Variants in OPRM1 observed in about 807,000 individuals in gnomAD.
The protein encoded by OPRM1 is mu-type opioid receptor.
Under a neutral mutation model 31.8 loss-of-function variants are expected in OPRM1, and 27 were observed. That is an observed-to-expected ratio of 0.85 (90% CI 0.63 to 1.17). OPRM1 has a LOEUF of 1.17. Ranked by LOEUF, OPRM1 falls within the 50% of genes most tolerant of loss-of-function variation. The pLI, the probability that OPRM1 is intolerant of heterozygous loss-of-function variation, is 0.00. For missense variants in OPRM1, 536 were observed against 511.1 expected, an observed-to-expected ratio of 1.05 and a Z score of -0.47; for synonymous variants, 196 against 189.9, an observed-to-expected ratio of 1.03 and a Z score of -0.26.
chr6:154,144,148 G>A (rs116953118), intron 3 of OPRM1, among the ~76,000 whole-genome samples: 156 of 152,218 alleles, frequency 1.0e-3, no homozygotes, highest in Non-Finnish European at 1.9e-3. Flanking sequence ...TCAATACCCT[G>A]TAAGTATTAA....
chr6:154,201,134 T>C (rs561247697), intron 3 of OPRM1, among the ~76,000 whole-genome samples: 2 of 152,344 alleles, frequency 1.3e-5, no homozygotes, highest in Admixed American at 6.5e-5. Flanking sequence ...TAAAGTTTCC[T>C]GAGGCCTCCC....
intron 3 of OPRM1, among the ~76,000 whole-genome samples, chr6:154,240,600 A>G (rs185704074): frequency 3.1e-4 from 47 of 152,334 alleles, no homozygotes; most frequent in African/African-American, 9.9e-4. Context: ...TTGACTTTCA[A>G]GTAACATTTT....
At chr6:154,115,337 C>T (rs1366253702) in intron 3 of OPRM1, among the ~76,000 whole-genome samples, 1 of 151,978 alleles carries the variant, frequency 6.6e-6, no homozygotes, top group African/African-American at 2.4e-5. Flanking sequence ...CTCAGGAGTT[C>T]GAGACCAGCC....
chr6:154,147,785 G>T (rs931357828), intron 3 of OPRM1, among the ~76,000 whole-genome samples: 1 of 152,156 alleles, frequency 6.6e-6, no homozygotes, highest in Non-Finnish European at 1.5e-5. Context: ...GCAGGAGCAG[G>T]ACCTCTAGAT....
At chr6:154,030,541 AAC>A (rs1297459409) in intron 1 of OPRM1, among the ~76,000 whole-genome samples, 1 of 152,218 alleles carries the variant, frequency 6.6e-6, no homozygotes, top group African/African-American at 2.4e-5. Flanking sequence ...GCTAAAAAAA[AAC>A]AGAGTAATAG....
chr6:154,098,177 A>G (rs988273549), intron 3 of OPRM1, among the ~76,000 whole-genome samples: 5 of 152,248 alleles, frequency 3.3e-5, no homozygotes, highest in Admixed American at 1.3e-4. Context: ...GTGCCCTGAT[A>G]TATTCCAGTC....
intron 3 of OPRM1, among the ~76,000 whole-genome samples, chr6:154,238,017 A>G (rs1166140795): frequency 6.6e-6 from 1 of 152,202 alleles, no homozygotes; most frequent in Non-Finnish European, 1.5e-5. Flanking sequence ...TTTAGATTCT[A>G]TGCATTGGCA....
intron 1 of OPRM1, among the ~76,000 whole-genome samples, chr6:154,045,966 C>T (rs933782774): frequency 4.6e-5 from 7 of 152,204 alleles, no homozygotes; most frequent in African/African-American, 1.7e-4. Context: ...TTTTCCTCTT[C>T]CCTGGTTTAC....
intron 3 of OPRM1, among the ~76,000 whole-genome samples, chr6:154,191,143 AG>A (rs1276044574): frequency 6.6e-6 from 1 of 152,226 alleles, no homozygotes; most frequent in Non-Finnish European, 1.5e-5. Flanking sequence ...CAATCTGAAA[AG>A]GGTACATACC....
chr6:154,220,714 A>G lies in OPRM1; in HGVS notation c.1165-25979A>G, dbSNP rs371546856. Among the ~76,000 whole-genome samples, 43 of 152,348 alleles carry G rather than the reference A, an allele frequency of 2.8e-4. No individual in the cohort carries two copies. In the South Asian group the frequency reaches 8.1e-3, roughly 29 times the overall value. Reference sequence around the variant, plus strand: ...TAAACCATTAGGAATGGTGTAGGGCAGGTTGTACTCTGCACACAGCCCACT... The same window carrying G: ...TAAACCATTAGGAATGGTGTAGGGCGGGTTGTACTCTGCACACAGCCCACT... On this transcript the variant is annotated intron_variant, in intron 3 of 3. Coordinates refer to the OPRM1 transcript ENST00000337049.
At chr6:154,100,051 CATATG>C (rs1794409229) in intron 3 of OPRM1, among the ~76,000 whole-genome samples, 1 of 125,910 alleles carries the variant, frequency 7.9e-6, no homozygotes, top group Admixed American at 8.4e-5. Context: ...TGATATATAT[CATATG>C]ATATATATCA....
At chr6:154,032,325 A>C (rs1583155909) in intron 1 of OPRM1, among the ~76,000 whole-genome samples, 1 of 152,238 alleles carries the variant, frequency 6.6e-6, no homozygotes, top group Non-Finnish European at 1.5e-5. Context: ...TCACTTTTAC[A>C]AATGAAAAAA....
intron 3 of OPRM1, chr6:154,158,189 G>C (rs889144681): frequency 1.3e-5 from 2 of 152,150 alleles, no homozygotes; most frequent in African/African-American, 4.8e-5. Context: ...AATTCAGGTG[G>C]TTCCTTCCAT....
rs972056986 is a variant in OPRM1 at position 154,089,727 on chromosome 6, A to G, written c.291-99A>G. 25 of 791,576 alleles carry G rather than the reference A, an allele frequency of 3.2e-5. No individual in the cohort carries two copies. The African/African-American group carries it at 3.6e-4, about 12-fold the overall frequency. 49.0% of individuals were successfully genotyped at this position (791,576 alleles called of 1,614,324 possible). ...ACAATTCTATATCTAATCTCAAAAA[A>G]GCTTTCTACTAATTCATGCAAATTT... On this transcript the variant is annotated intron_variant, in intron 1 of 3. Transcript: ENST00000330432.
At chr6:154,093,734 A>C (rs899038023) in intron 3 of OPRM1, among the ~76,000 whole-genome samples, 4 of 152,210 alleles carry the variant, frequency 2.6e-5, no homozygotes, top group Non-Finnish European at 5.9e-5. Context: ...GACACAGAAG[A>C]GAGGCTGCCA....
chr6:154,090,683 T>G (rs999982105), intron 2 of OPRM1, among the ~76,000 whole-genome samples: 1 of 152,204 alleles, frequency 6.6e-6, no homozygotes, highest in Non-Finnish European at 1.5e-5. Context: ...ATCTAGCTCA[T>G]GTTGAGAGGT....
intron 3 of OPRM1, among the ~76,000 whole-genome samples, chr6:154,245,651 T>C (rs559462147): frequency 6.6e-6 from 1 of 152,284 alleles, no homozygotes; most frequent in African/African-American, 2.4e-5. Context: ...AAAAGAACTT[T>C]CCTGGCTTAT....
intron 3 of OPRM1, chr6:154,223,135 G>A (rs2128618377): frequency 6.7e-7 from 1 of 1,502,592 alleles, no homozygotes; most frequent in East Asian, 2.3e-5. Flanking sequence ...TAGTATCCTG[G>A]CTCAGAGTTT....
intron 1 of OPRM1, among the ~76,000 whole-genome samples, chr6:154,061,735 T>C (rs1001840353): frequency 6.6e-6 from 1 of 151,770 alleles, no homozygotes; most frequent in African/African-American, 2.4e-5. Flanking sequence ...ACTACCTGAG[T>C]GACAAAATCA....
Sources: allele counts gnomAD v4.1 joint callset (sites outside exome capture counted in the v4.1 genomes callset), GRCh38; gene constraint gnomAD v4.1.1; transcripts MANE v1.5; gene names NCBI Gene and HGNC (gene_info 2026-07-23, HGNC 2026-07-21).